The following THTPA variants were observed in gnomAD, a reference collection of about 807,000 sequenced individuals.
The protein encoded by THTPA is thiamine triphosphatase.
THTPA carries 16 observed loss-of-function variants against 16.5 expected under a neutral mutation model. The observed-to-expected ratio is 0.97, with a 90% CI of 0.66 to 1.47. The LOEUF (loss-of-function observed/expected upper bound fraction) is 1.47. THTPA is among the 40% of genes most tolerant of loss of function. THTPA has a pLI of 0.00. For synonymous variants in THTPA, 110 were observed against 115.5 expected, an observed-to-expected ratio of 0.95 and a Z score of 0.30; for missense variants, 281 against 280.9, an observed-to-expected ratio of 1.00 and a Z score of 0.00.
the THTPA span, chr14:23,524,722 A>G: frequency 1.3e-6 from 2 of 1,536,134 alleles, no homozygotes; most frequent in Non-Finnish European, 1.7e-6. The surrounding 1 kb of genome is among the most constrained non-coding windows in gnomAD (Gnocchi z 5.6). Flanking sequence ...GCTCCTCCCC[A>G]TCTGGAGGCT....
At chr14:23,533,441 G>A in the THTPA span, 1 of 1,531,782 alleles carries the variant, frequency 6.5e-7, no homozygotes, top group East Asian at 2.4e-5. The surrounding 1 kb of genome is among the most constrained non-coding windows in gnomAD (Gnocchi z 4.8). Context: ...AAGAGTTCAG[G>A]GGGGCTAGTG....
At chr14:23,556,039 T>G (rs900737393), upstream of THTPA, 1 of 152,332 alleles carries the variant, frequency 6.6e-6, no homozygotes, top group Non-Finnish European at 1.5e-5. Context: ...GCATGAGACC[T>G]GTACCAGCCC....
the THTPA span, chr14:23,521,163 G>A: frequency 6.6e-6 from 1 of 152,392 alleles, no homozygotes; most frequent in Admixed American, 6.5e-5. Context: ...GCAGTTCCCA[G>A]GGTGCAAGGT....
At chr14:23,533,989 G>A in the THTPA span, 57 of 1,537,436 alleles carry the variant, frequency 3.7e-5, 1 homozygote, top group South Asian at 6.7e-4. The surrounding 1 kb of genome is among the most constrained non-coding windows in gnomAD (Gnocchi z 4.8). Context: ...GGAGTTGCGT[G>A]AGTGGAGCAG....
At chr14:23,524,701 T>C in the THTPA span, 1 of 1,536,324 alleles carries the variant, frequency 6.5e-7, no homozygotes, top group Non-Finnish European at 8.7e-7. The surrounding 1 kb of genome is among the most constrained non-coding windows in gnomAD (Gnocchi z 5.6). Flanking sequence ...TTGTTGCCTC[T>C]GCTTGGCTCA....
chr14:23,531,950 ATTTTTAGTACAGATGGGGT>A, the THTPA span: 7 of 417,470 alleles, frequency 1.7e-5, no homozygotes, highest in South Asian at 1.2e-4. Context: ...TAATTTTTGT[ATTTTTAGTACAGATGGGGT>A]TTCACCATGT....
At chr14:23,534,651 CAT>C in the THTPA span, 1 of 1,536,198 alleles carries the variant, frequency 6.5e-7, no homozygotes, top group Non-Finnish European at 8.7e-7. This position sits in a 1 kb window ranked among gnomAD's most constrained non-coding sequence, Gnocchi z 4.5. Flanking sequence ...CGCTGTTCCC[CAT>C]GGGGCCATCT....
At chr14:23,515,450 T>C in the THTPA span, among the ~76,000 whole-genome samples, 2 of 152,192 alleles carry the variant, frequency 1.3e-5, no homozygotes, top group African/African-American at 4.8e-5. Flanking sequence ...TAGAGTTGGA[T>C]AGATTTCCAT....
At chr14:23,534,517 C>T in the THTPA span, 1 of 1,536,146 alleles carries the variant, frequency 6.5e-7, no homozygotes. The surrounding 1 kb of genome is among the most constrained non-coding windows in gnomAD (Gnocchi z 4.5). Context: ...ACCTGACAGG[C>T]CCTGATATTG....
chr14:23,537,229 C>CT, the THTPA span, among the ~76,000 whole-genome samples: 208 of 146,568 alleles, frequency 1.4e-3, 2 homozygotes, highest in East Asian at 4.8e-3. Context: ...GGCTCCCATC[C>CT]TTTTTTTTTT....
chr14:23,544,712 ACT>A, the THTPA span, among the ~76,000 whole-genome samples: 13 of 151,728 alleles, frequency 8.6e-5, no homozygotes, highest in Admixed American at 1.3e-4. Flanking sequence ...ATCTCGTTAC[ACT>A]CTCGCTGCCT....
At chr14:23,527,515 C>G in the THTPA span, 1 of 1,483,298 alleles carries the variant, frequency 6.7e-7, no homozygotes, top group East Asian at 2.5e-5. Flanking sequence ...CCAACACATG[C>G]ACCTGCCTGA....
At chr14:23,526,558 A>T in the THTPA span, 16 of 1,535,644 alleles carry the variant, frequency 1.0e-5, no homozygotes, top group Non-Finnish European at 1.1e-5. Flanking sequence ...CAGGGACTGG[A>T]GATGGGGCTG....
At chr14:23,526,611 C>A in the THTPA span, 482 of 1,535,656 alleles carry the variant, frequency 3.1e-4, 1 homozygote, top group Admixed American at 7.5e-4. Flanking sequence ...TTGTCTGGGA[C>A]CTCAACTGAG....
the THTPA span, among the ~76,000 whole-genome samples, chr14:23,518,029 T>C: frequency 2.6e-5 from 4 of 152,368 alleles, no homozygotes; most frequent in South Asian, 6.2e-4. This position sits in a 1 kb window ranked among gnomAD's most constrained non-coding sequence, Gnocchi z 4.5. Context: ...TTTCTGCTTA[T>C]GGGAGTATAG....
At position 23,557,199 on chromosome 14, in the gene THTPA, A is replaced by G. The variant is rs760779240; in HGVS notation, c.442A>G (p.Thr148Ala). The change falls in exon 1 of 2, where the codon ACA (threonine) becomes GCA (alanine). Residue 148 changes from threonine (T) to alanine (A), a missense_variant. By Grantham distance (58) the Thr-to-Ala change is moderately conservative. Transcript: ENST00000288014. ...EEPQLRVDLD[T>A]ADFGYAVGEV... ...GCCACAGCTCAGGGTGGACTTGGATACAGCCGACTTTGGCTACGCTGTGGG... is the reference window on the plus strand; with the variant it reads ...GCCACAGCTCAGGGTGGACTTGGATGCAGCCGACTTTGGCTACGCTGTGGG... The G allele has an allele frequency of 1.4e-5, 22 of 1,614,076 alleles. No homozygotes were observed. The highest frequency in any genetic ancestry group is 1.8e-5 in the Non-Finnish European group (21 of 1,180,026).
the THTPA span, chr14:23,524,577 G>A: frequency 5.2e-6 from 8 of 1,534,920 alleles, no homozygotes; most frequent in African/African-American, 1.4e-5. The surrounding 1 kb of genome is among the most constrained non-coding windows in gnomAD (Gnocchi z 5.6). Context: ...AAATGTAGTC[G>A]GCGGTGACTG....
At chr14:23,531,749 G>A in the THTPA span, 10 of 1,309,656 alleles carry the variant, frequency 7.6e-6, no homozygotes. Flanking sequence ...GGCTGGCTCA[G>A]GCCCAGAAGG....
the THTPA span, chr14:23,527,903 T>C: frequency 9.1e-6 from 2 of 218,756 alleles, no homozygotes; most frequent in Non-Finnish European, 1.5e-5. Flanking sequence ...CCCCACTCCT[T>C]TTTTTTTTTT....
Sources: allele counts gnomAD v4.1 joint callset (sites outside exome capture counted in the v4.1 genomes callset), GRCh38; gene constraint gnomAD v4.1.1; non-coding constraint Gnocchi (gnomAD v3.1); transcripts MANE v1.5; gene names NCBI Gene and HGNC (gene_info 2026-07-23, HGNC 2026-07-21).